KMT2E: variants seen among roughly 807,000 people sequenced by gnomAD.
The protein encoded by KMT2E is lysine methyltransferase 2E (inactive).
KMT2E carries 30 observed loss-of-function variants against 184.6 expected under a neutral mutation model. The observed-to-expected ratio is 0.16, with a 90% CI of 0.12 to 0.22. KMT2E has a LOEUF of 0.22. KMT2E is among the 10% of genes least tolerant of loss of function. KMT2E has a pLI of 1.00. For synonymous variants in KMT2E, 815 were observed against 776.5 expected (o/e 1.05, Z -0.82); for missense variants, 2,023 against 2,237.4 (o/e 0.90, Z 1.93).
chr7:105,078,789 T>C, intron 11 of KMT2E, 57 bp from the exon 12 acceptor site: 1 of 922,256 alleles, frequency 1.1e-6, no homozygotes, highest in African/African-American at 1.7e-5. Context: ...ATTACAGGTG[T>C]GAACCAGCAT....
chr7:105,041,756 A>C lies in KMT2E; in HGVS notation c.71+733A>C, dbSNP rs535215835. 3.3e-5 allele frequency among the ~76,000 whole-genome samples: 5 copies of C among 152,326 alleles called. No homozygotes were observed. In the South Asian group the frequency reaches 1.0e-3, roughly 32 times the overall value. The stretch of plus-strand genomic sequence containing the variant: ...AATTGAAGATTCTAAAATATTTTGT[A>C]TATAATGAAACATTTTCAGAAACTT... On this transcript the variant is annotated intron_variant, in intron 3 of 26. Transcript: ENST00000311117.
At chr7:105,061,146 C>T (rs900294303) in intron 3 of KMT2E, among the ~76,000 whole-genome samples, 2 of 151,564 alleles carry the variant, frequency 1.3e-5, no homozygotes, top group Non-Finnish European at 2.9e-5. Context: ...ATTGAGACTT[C>T]GTGAAGGGAT....
In KMT2E at chr7:105,107,721, A is replaced by C. The variant is rs764137881; in HGVS notation, c.3264A>C (p.Thr1088=). 5.6e-6 allele frequency: 9 copies of C among 1,613,964 alleles called. No individual in the cohort carries two copies. In the East Asian group the frequency reaches 2.0e-4, roughly 36 times the overall value. ...TGAACTCCAACTTGAGGGACCTGACACCCTCGCATCAGTTGGAGGTTGGAG... is the reference window on the plus strand; with the variant it reads ...TGAACTCCAACTTGAGGGACCTGACCCCCTCGCATCAGTTGGAGGTTGGAG... The part of the protein sequence containing the change: ...FSVNSNLRDL[T]PSHQLEVGGG... Residue 1088 remains threonine, a synonymous_variant, in exon 22 of 27, where the codon ACA becomes ACC. Coordinates refer to ENST00000311117, the MANE Select transcript of KMT2E (RefSeq NM_182931.3).
intron 1 of KMT2E, among the ~76,000 whole-genome samples, chr7:105,018,597 T>C (rs1039037828): frequency 1.3e-5 from 2 of 152,164 alleles, no homozygotes; most frequent in African/African-American, 4.8e-5. Context: ...TATGAGACTT[T>C]TTAATATTGA....
At chr7:105,039,777 A>G (rs970167119) in intron 2 of KMT2E, among the ~76,000 whole-genome samples, 4 of 152,132 alleles carry the variant, frequency 2.6e-5, no homozygotes, top group Non-Finnish European at 5.9e-5. Flanking sequence ...TCAATATTTC[A>G]GGTATTACAT....
intron 3 of KMT2E, among the ~76,000 whole-genome samples, chr7:105,056,450 C>T (rs565197747): frequency 2.8e-4 from 42 of 152,300 alleles, no homozygotes; most frequent in Non-Finnish European, 5.1e-4. Context: ...TGAAGTCTGA[C>T]CTTTACATGC....
At chr7:105,066,970 T>C (rs1021493036) in intron 6 of KMT2E, among the ~76,000 whole-genome samples, 163 bp downstream of exon 6, 3 of 151,018 alleles carry the variant, frequency 2.0e-5, no homozygotes, top group Non-Finnish European at 4.4e-5. Flanking sequence ...GGCAGGAAGA[T>C]TGCTTGAGCA....
At chr7:105,071,578 G>A (rs1468082870) in intron 6 of KMT2E, among the ~76,000 whole-genome samples, 1 of 51,426 alleles carries the variant, frequency 1.9e-5, no homozygotes, top group African/African-American at 1.1e-4. Flanking sequence ...ATGTATGTGT[G>A]TGTGTATATA....
At chr7:105,068,306 T>A (rs2129567550) in intron 6 of KMT2E, among the ~76,000 whole-genome samples, 1 of 152,316 alleles carries the variant, frequency 6.6e-6, no homozygotes, top group Non-Finnish European at 1.5e-5. Flanking sequence ...CTGTTTTGTC[T>A]TATCAGGTGG....
chr7:105,071,580 G>A (rs1158482392), intron 6 of KMT2E, among the ~76,000 whole-genome samples: 4 of 64,968 alleles, frequency 6.2e-5, no homozygotes, highest in Non-Finnish European at 1.1e-4. Flanking sequence ...GTATGTGTGT[G>A]TGTATATATA....
Position 105,105,645 on chromosome 7 carries a change from AAGG to A in KMT2E, c.2406_2408del (p.Arg804del), listed in dbSNP as rs1266433636. 2 of 1,609,776 alleles carry A rather than the reference AAGG, an allele frequency of 1.2e-6. No individual in the cohort carries two copies. The highest frequency in any genetic ancestry group is 1.7e-6 in the Non-Finnish European group (2 of 1,178,978). ...TTACTTCACCATTCCTTTCAGAAAA[AAGG>A]AGAAGAAAAGAACCTACTGAAAACA... On this transcript the variant is annotated inframe_deletion, in exon 18 of 27. Transcript: ENST00000311117.
intron 13 of KMT2E, among the ~76,000 whole-genome samples, chr7:105,087,284 G>GATATAT (rs369698591): frequency 1.4e-5 from 2 of 143,868 alleles, no homozygotes; most frequent in East Asian, 2.0e-4. Context: ...ATATAAATAT[G>GATATAT]ATATAATATA....
chr7:105,105,317 AT>A, intron 17 of KMT2E, 121 bp from the exon 18 acceptor site: 1 of 670,638 alleles, frequency 1.5e-6, no homozygotes, highest in South Asian at 2.3e-5. Context: ...TCACATATGA[AT>A]GATTTAAATT....
intron 6 of KMT2E, among the ~76,000 whole-genome samples, chr7:105,071,753 G>A (rs1182279604): frequency 1.3e-5 from 2 of 148,846 alleles, no homozygotes; most frequent in Non-Finnish European, 3.0e-5. Context: ...CACCACGCCC[G>A]GCCTGCAGTT....
At chr7:105,087,328 C>G (rs865814020) in intron 13 of KMT2E, among the ~76,000 whole-genome samples, 30 of 145,770 alleles carry the variant, frequency 2.1e-4, no homozygotes, top group African/African-American at 7.2e-4. Flanking sequence ...GCATATATTA[C>G]ATATATGCTA....
intron 1 of KMT2E, among the ~76,000 whole-genome samples, chr7:105,018,050 A>G (rs1794790932): frequency 6.6e-6 from 1 of 152,212 alleles, no homozygotes; most frequent in South Asian, 2.1e-4. Context: ...ATTTCCCCTC[A>G]GTACATATCT....
rs371274612 is a variant in KMT2E, at chr7:105,075,717, C to A, written c.730-326C>A. On this transcript the variant is annotated intron_variant, in intron 8 of 26. Transcript: ENST00000311117. ...TTAAAGACAGGATCTTGCTATGTTG[C>A]CCAGGCTGGAGTGCAGTGGGTATTC... 3.3e-5 allele frequency among the ~76,000 whole-genome samples: 5 copies of A among 151,420 alleles called. No individual in the cohort carries two copies. The East Asian group carries it at 9.7e-4, about 29-fold the overall frequency.
chr7:105,099,094 T>C (rs1222628617), intron 15 of KMT2E, among the ~76,000 whole-genome samples: 2 of 152,238 alleles, frequency 1.3e-5, no homozygotes, highest in Admixed American at 6.5e-5. Context: ...AGCTGAATGA[T>C]GTATGACCTT....
Position 105,106,584 on chromosome 7 carries a change from A to G in KMT2E, c.2659A>G (p.Thr887Ala). The G allele has an allele frequency of 6.2e-7, 1 of 1,613,342 alleles. No homozygotes were observed. The highest frequency in any genetic ancestry group is 8.5e-7 in the Non-Finnish European group (1 of 1,179,414). The change falls in exon 20 of 27, where the codon ACC (threonine) becomes GCC (alanine). Residue 887 changes from threonine (T) to alanine (A), a missense_variant. By Grantham distance (58) the Thr-to-Ala change is moderately conservative. This residue lies in a region of KMT2E where 514 missense variants were observed against 621.8 expected (regional missense o/e 0.83). Transcript: ENST00000311117. ...YQLLDSVYSE[T>A]STPTPSPYAT... Reference sequence around the variant, plus strand: ...GTTGCTAGATTCGGTTTACTCAGAAACCTCCACACCTACTCCTTCCCCGTA... The same window carrying G: ...GTTGCTAGATTCGGTTTACTCAGAAGCCTCCACACCTACTCCTTCCCCGTA...
Sources: gnomAD v4.1 joint callset for allele counts (sites outside exome capture counted in the v4.1 genomes callset) on GRCh38, gnomAD v4.1.1 for gene constraint, gnomAD v4.1.1 regional missense constraint, MANE v1.5 for transcripts, NCBI Gene and HGNC (gene_info 2026-07-23, HGNC 2026-07-21) for gene names.